The following NDUFA10 variants were observed in gnomAD, a reference collection of about 807,000 sequenced individuals.
NDUFA10 encodes NADH dehydrogenase [ubiquinone] 1 alpha subcomplex subunit 10, mitochondrial.
NDUFA10 carries 40 observed loss-of-function variants against 47.8 expected under a neutral mutation model. The observed-to-expected ratio is 0.84, with a 90% CI of 0.65 to 1.09. The LOEUF is 1.09. Ranked by LOEUF, NDUFA10 falls within the 50% of genes least tolerant of loss-of-function variation. The probability of loss-of-function intolerance (pLI) is 0.00; values close to 1 mark genes in which losing one functional copy is unlikely to be tolerated. For missense variants in NDUFA10, 413 were observed against 451.1 expected, an observed-to-expected ratio of 0.92 and a Z score of 0.76; for synonymous variants, 183 against 172.2, an observed-to-expected ratio of 1.06 and a Z score of -0.49.
intron 9 of NDUFA10, among the ~76,000 whole-genome samples, chr2:239,975,639 C>T (rs756771254): frequency 6.6e-6 from 1 of 152,186 alleles, no homozygotes; most frequent in African/African-American, 2.4e-5. Context: ...GTATTGTTAC[C>T]ACTGCGATCA....
chr2:239,991,348 C>G lies in NDUFA10; in HGVS notation c.891-1166G>C, dbSNP rs12613818. 9.3e-3 allele frequency among the ~76,000 whole-genome samples: 1,412 copies of G among 152,314 alleles called. 55 individuals carry two copies. Among genetic ancestry groups the G allele is most frequent in the Admixed American group, 0.064 (984 of 15,294 alleles). On this transcript the variant is annotated intron_variant, in intron 8 of 9. Coordinates refer to ENST00000252711, the MANE Select transcript of NDUFA10 (RefSeq NM_004544.4). ...CAAATGCCCCTCCAAGAAACTGCTG[C>G]CAGGATAACAATGATCGTTTGCTTT...
At chr2:240,010,042 G>C (rs1005242084) in intron 6 of NDUFA10, among the ~76,000 whole-genome samples, 1 of 152,192 alleles carries the variant, frequency 6.6e-6, no homozygotes, top group East Asian at 1.9e-4. Context: ...GAATTTCTAT[G>C]AGAAAACTTT....
chr2:240,009,920 T>C (rs183118082), intron 6 of NDUFA10, among the ~76,000 whole-genome samples: 15 of 152,356 alleles, frequency 9.8e-5, no homozygotes, highest in African/African-American at 3.6e-4. Flanking sequence ...TTGTTTCTGT[T>C]GGAAAATAAC....
chr2:239,895,187 C>G (rs1346451057), intron 5 of NDUFA10: 2 of 440,134 alleles, frequency 4.5e-6, no homozygotes, highest in Non-Finnish European at 9.5e-6. Context: ...TGCCAGGCCT[C>G]TGCCCCAACT....
At chr2:240,011,114 C>A (rs1472109693) in intron 6 of NDUFA10, among the ~76,000 whole-genome samples, 1 of 151,996 alleles carries the variant, frequency 6.6e-6, no homozygotes, top group African/African-American at 2.4e-5. Flanking sequence ...GTGCTTTCAA[C>A]AAAGAAAGAA....
intron 9 of NDUFA10, among the ~76,000 whole-genome samples, chr2:239,970,493 T>C (rs766848910): frequency 2.0e-5 from 3 of 152,192 alleles, no homozygotes; most frequent in Non-Finnish European, 4.4e-5. Context: ...GAGGGAAGGA[T>C]AAAAGACTAA....
At chr2:239,982,058 A>C in intron 9 of NDUFA10, 1 of 1,607,512 alleles carries the variant, frequency 6.2e-7, no homozygotes, top group Non-Finnish European at 8.5e-7. Flanking sequence ...CGTTCTGTGG[A>C]ATGTCCTCAA....
intron 9 of NDUFA10, among the ~76,000 whole-genome samples, chr2:239,985,811 T>G (rs1481489783): frequency 6.7e-6 from 1 of 150,342 alleles, no homozygotes; most frequent in African/African-American, 2.5e-5. Context: ...CTCGGGAGGC[T>G]GAGGCAGCAG....
downstream of NDUFA10, among the ~76,000 whole-genome samples, chr2:239,955,146 C>T (rs55786159): frequency 0.12 from 18,147 of 152,108 alleles, 1,267 homozygotes; most frequent in South Asian, 0.15. Context: ...AATAAGTCTT[C>T]GTGTGAAGTA....
chr2:239,958,049 C>T lies in NDUFA10; in HGVS notation c.*3069G>A, dbSNP rs1233929745. On this transcript the variant is annotated 3_prime_UTR_variant, in exon 10 of 10. Coordinates refer to ENST00000252711, the MANE Select transcript of NDUFA10 (RefSeq NM_004544.4). ...TTTCCTAAAGCAAAGCCTCAGGCTC[C>T]CGGCTTCTATTTATATCCACATGTA... 6.6e-6 allele frequency: 1 copy of T among 152,198 alleles called. No individual in the cohort carries two copies. The highest frequency in any genetic ancestry group is 1.5e-5 in the Non-Finnish European group (1 of 68,046). 9.4% of individuals were successfully genotyped at this position (152,198 alleles called of 1,614,324 possible).
intron 4 of NDUFA10, among the ~76,000 whole-genome samples, chr2:239,931,721 G>A (rs1284414872): frequency 6.6e-6 from 1 of 152,162 alleles, no homozygotes; most frequent in South Asian, 2.1e-4. Flanking sequence ...AAGCTGTAAC[G>A]TCCTGTGAGA....
Position 239,959,079 on chromosome 2 carries a change from TCTG to T in NDUFA10, c.*2036_*2038del, listed in dbSNP as rs1291371070. On this transcript the variant is annotated 3_prime_UTR_variant, in exon 10 of 10. Transcript: ENST00000252711. ...ATTGGACAGTGTTTATTCATCTTTC[TCTG>T]CTGAACATGCATGTCATTGAAAACA... The T allele has an allele frequency of 1.0e-6, 1 of 985,380 alleles. No homozygotes were observed. The highest frequency in any genetic ancestry group is 1.7e-5 in the African/African-American group (1 of 57,254). 61.0% of individuals were successfully genotyped at this position (985,380 alleles called of 1,614,324 possible). A position where few individuals can be genotyped will look rare whatever the true frequency, so the allele number is the denominator to read the frequency against.
Position 240,007,352 on chromosome 2 carries a change from T to C in NDUFA10, c.768A>G (p.Leu256=). 1 of 1,593,484 alleles carries C rather than the reference T, an allele frequency of 6.3e-7. No individual in the cohort carries two copies. The highest frequency in any genetic ancestry group is 1.1e-5 in the South Asian group (1 of 90,658). The part of the protein sequence containing the change: ...LPEMSEKCEV[L]QYSAREAQDS... ...CTTGAGCTTCCCTTGCAGAATATTG[T>C]AAAACCTCACATTTTTCACTGTAAG... is the stretch of plus-strand genomic sequence containing the variant. The change falls in exon 7 of 10, where the codon TTA becomes TTG. Residue 256 remains leucine (L), a synonymous_variant. Coordinates refer to ENST00000252711, the MANE Select transcript of NDUFA10 (RefSeq NM_004544.4).
At chr2:239,982,561 T>C (rs1695819704) in intron 9 of NDUFA10, among the ~76,000 whole-genome samples, 1 of 152,188 alleles carries the variant, frequency 6.6e-6, no homozygotes, top group Admixed American at 6.5e-5. Context: ...ATGTTCTCCA[T>C]CTGTTCTGAT....
Position 239,990,128 on chromosome 2 carries a change from C to T in NDUFA10, c.945G>A (p.Pro315=), listed in dbSNP as rs1301431151. The T allele has an allele frequency of 5.0e-6, 8 of 1,613,830 alleles. No homozygotes were observed. Among genetic ancestry groups the T allele is most frequent in the South Asian group, 2.2e-5 (2 of 91,080 alleles). Residue 315 remains proline (P), a synonymous_variant, in exon 9 of 10, where the codon CCG becomes CCA. Coordinates refer to ENST00000252711, the MANE Select transcript of NDUFA10 (RefSeq NM_004544.4). ...TCTGATGAGCTCCAATGGTGACTTC[C>T]GGGAGAAAGATAGGAATGCTTGTGT... ...LNYTSIPIFL[P]EVTIGAHQTD... is the part of the protein sequence containing the mutation.
chr2:239,932,002 T>C (rs994956692), intron 4 of NDUFA10, among the ~76,000 whole-genome samples: 7 of 151,824 alleles, frequency 4.6e-5, no homozygotes, highest in Admixed American at 4.6e-4. Context: ...CGCCCAGCTA[T>C]TTTTTGTATT....
At chr2:239,956,968 C>G (rs1180053764), downstream of NDUFA10, among the ~76,000 whole-genome samples, 2 of 152,204 alleles carry the variant, frequency 1.3e-5, no homozygotes, top group African/African-American at 4.8e-5. Flanking sequence ...GCACCTGACC[C>G]AGCCTGGCCG....
intron 9 of NDUFA10, chr2:239,981,997 T>G (rs1234919877): frequency 7.3e-7 from 1 of 1,371,080 alleles, no homozygotes; most frequent in Non-Finnish European, 9.8e-7. Context: ...TGGCCTCCAC[T>G]TGCTCCAGGA....
At chr2:240,019,085 T>TCCCCAGGGTCCCCAGC (rs1697495492) in intron 3 of NDUFA10, among the ~76,000 whole-genome samples, 4 of 152,106 alleles carry the variant, frequency 2.6e-5, no homozygotes, top group African/African-American at 9.7e-5. Flanking sequence ...AGAGCACTAG[T>TCCCCAGGGTCCCCAGC]CCCCAGGGTC....
Sources: gnomAD v4.1 joint callset for allele counts (sites outside exome capture counted in the v4.1 genomes callset) on GRCh38, gnomAD v4.1.1 for gene constraint, MANE v1.5 for transcripts, NCBI Gene and HGNC (gene_info 2026-07-23, HGNC 2026-07-21) for gene names.